Variants in RAD51B observed in about 807,000 individuals in gnomAD.
RAD51B encodes the protein DNA repair protein RAD51 homolog 2.
A neutral mutation model predicts 42.2 loss-of-function variants in RAD51B; 38 were observed. That is an observed-to-expected ratio of 0.90 (90% CI 0.70 to 1.18). The LOEUF is 1.18. Among genes scored for constraint, RAD51B ranks in the 50% most tolerant of loss-of-function variants. The pLI is 0.00. For missense variants in RAD51B, 373 were observed against 400.7 expected (o/e 0.93, Z 0.59); for synonymous variants, 154 against 145.2 (o/e 1.06, Z -0.43).
rs148112399 is a variant in RAD51B at position 68,083,453 on chromosome 14, A to G, written c.756+196249A>G. On this transcript the variant is annotated intron_variant, in intron 7 of 10. Transcript: ENST00000471583. ...AAAAGGAATATTGTCACAGCAAGCA[A>G]TGGAGGTTTTGATACTCGATCACTG... is the stretch of plus-strand genomic sequence containing the variant. 8.4e-4 allele frequency among the ~76,000 whole-genome samples: 128 copies of G among 152,290 alleles called. 1 individual carries two copies. The highest frequency in any genetic ancestry group is 2.6e-3 in the African/African-American group (107 of 41,586).
intron 7 of RAD51B, among the ~76,000 whole-genome samples, chr14:68,033,759 A>T (rs944677467): frequency 3.9e-5 from 6 of 152,158 alleles, no homozygotes; most frequent in Non-Finnish European, 8.8e-5. Flanking sequence ...TAAATTAATG[A>T]TCCTCTTTTT....
At chr14:68,458,501 A>G (rs1594868220) in intron 9 of RAD51B, among the ~76,000 whole-genome samples, 1 of 152,076 alleles carries the variant, frequency 6.6e-6, no homozygotes, top group South Asian at 2.1e-4. Context: ...TCTAGGCAAT[A>G]CTTTCTTATA....
Position 68,644,286 on chromosome 14 carries a change from C to G in RAD51B, c.1037-6495C>G, listed in dbSNP as rs1892522445. Reference sequence around the variant, plus strand: ...AGGGATCAAGGAGGGCTGTGTAGGGCCATGGTGTCTGCCCCCTTTCTGGTG... The same window carrying G: ...AGGGATCAAGGAGGGCTGTGTAGGGGCATGGTGTCTGCCCCCTTTCTGGTG... On this transcript the variant is annotated intron_variant, in intron 10 of 11. Transcript: ENST00000488612. 2.0e-5 allele frequency among the ~76,000 whole-genome samples: 3 copies of G among 152,176 alleles called. No homozygotes were observed. In the South Asian group the frequency reaches 6.2e-4, roughly 31 times the overall value.
chr14:68,374,899 C>T (rs757801921), intron 8 of RAD51B, among the ~76,000 whole-genome samples: 2 of 151,346 alleles, frequency 1.3e-5, no homozygotes, highest in Non-Finnish European at 2.9e-5. Context: ...AGTCCCATGT[C>T]GAAAGTGAGG....
At chr14:68,450,324 T>A (rs2085526775) in intron 9 of RAD51B, among the ~76,000 whole-genome samples, 2 of 151,462 alleles carry the variant, frequency 1.3e-5, no homozygotes, top group Non-Finnish European at 2.9e-5. Flanking sequence ...GTTCAAACAT[T>A]TCTTCTGCCT....
At position 68,655,130 on chromosome 14, in the gene RAD51B, AGTGT is replaced by A. The variant is rs3077341; in HGVS notation, c.*11+4293_*11+4296del. 2.7e-3 allele frequency among the ~76,000 whole-genome samples: 406 copies of A among 150,302 alleles called. 4 individuals carry two copies. The East Asian group carries it at 0.029, about 11-fold the overall frequency. On this transcript the variant is annotated intron_variant, in intron 11 of 11. Coordinates refer to the RAD51B transcript ENST00000488612. ...GGGTTGTGCCAGGAGGCAAATGGTG[AGTGT>A]GTGTGTGTGTGTGTGTGTATGTGTG...
chr14:68,510,498 T>C (rs1456879040), intron 10 of RAD51B, among the ~76,000 whole-genome samples: 3 of 152,154 alleles, frequency 2.0e-5, no homozygotes, highest in Non-Finnish European at 4.4e-5. Context: ...GGAGCCCGGC[T>C]CTCCCTGGTA....
chr14:68,614,764 T>C (rs923200116), downstream of RAD51B, among the ~76,000 whole-genome samples: 1 of 152,252 alleles, frequency 6.6e-6, no homozygotes, highest in African/African-American at 2.4e-5. Flanking sequence ...GTTCATCAGT[T>C]GATGCACATT....
chr14:68,380,581 G>A (rs930243948), intron 8 of RAD51B, among the ~76,000 whole-genome samples: 6 of 152,076 alleles, frequency 3.9e-5, no homozygotes, highest in Non-Finnish European at 7.4e-5. Context: ...ATGAAGGATC[G>A]CTGGCTTTTA....
intron 9 of RAD51B, among the ~76,000 whole-genome samples, chr14:68,462,331 G>C (rs927309352): frequency 7.2e-5 from 11 of 152,150 alleles, no homozygotes; most frequent in African/African-American, 2.7e-4. Context: ...AGCTCTATGA[G>C]ATCAAGGACC....
chr14:68,320,746 A>G (rs1171573334), intron 8 of RAD51B, among the ~76,000 whole-genome samples: 1 of 152,200 alleles, frequency 6.6e-6, no homozygotes, highest in Admixed American at 6.5e-5. Flanking sequence ...TCAAACTGGG[A>G]AAGTTTATGA....
At chr14:68,623,758 GTAATA>G (rs1892007748) in intron 10 of RAD51B, among the ~76,000 whole-genome samples, 8 of 146,966 alleles carry the variant, frequency 5.4e-5, no homozygotes, top group Admixed American at 4.7e-4. Flanking sequence ...TTCTTAGAAG[GTAATA>G]GAATATGATG....
chr14:68,457,955 G>GAA (rs1376755006), intron 9 of RAD51B, among the ~76,000 whole-genome samples: 6 of 105,904 alleles, frequency 5.7e-5, no homozygotes, highest in Middle Eastern at 4.9e-3. Flanking sequence ...AAAGTTCACT[G>GAA]AAAAAAAAAA....
chr14:67,872,027 C>T (rs2042552714), intron 5 of RAD51B, among the ~76,000 whole-genome samples: 1 of 146,934 alleles, frequency 6.8e-6, no homozygotes, highest in Non-Finnish European at 1.5e-5. Context: ...AAAACTGGCA[C>T]AAGACAGGGA....
intron 4 of RAD51B, among the ~76,000 whole-genome samples, chr14:67,859,843 G>T (rs577147229): frequency 6.6e-6 from 1 of 151,496 alleles, no homozygotes; most frequent in African/African-American, 2.4e-5. Context: ...TTTTTTGAGC[G>T]AAGTTTTGCT....
At chr14:68,403,330 C>G (rs2084170459) in intron 8 of RAD51B, among the ~76,000 whole-genome samples, 2 of 146,490 alleles carry the variant, frequency 1.4e-5, no homozygotes. Flanking sequence ...TTTTTTTTAA[C>G]ATGGAAAAGC....
At chr14:68,674,067 TAA>T (rs1381117047) in intron 11 of RAD51B, among the ~76,000 whole-genome samples, 4 of 151,968 alleles carry the variant, frequency 2.6e-5, no homozygotes, top group South Asian at 2.1e-4. Flanking sequence ...CATATACACA[TAA>T]ACACACATAC....
intron 5 of RAD51B, among the ~76,000 whole-genome samples, chr14:67,880,125 C>T (rs1353006469): frequency 6.6e-6 from 1 of 152,160 alleles, no homozygotes; most frequent in Non-Finnish European, 1.5e-5. Context: ...ATTAGTATCT[C>T]CACTGATCTG....
At chr14:68,424,360 C>A (rs1479256408) in intron 9 of RAD51B, among the ~76,000 whole-genome samples, 1 of 152,158 alleles carries the variant, frequency 6.6e-6, no homozygotes, top group Non-Finnish European at 1.5e-5. Context: ...AACTCTCTAG[C>A]AGTACTATGT....
Sources: allele counts gnomAD v4.1 joint callset (sites outside exome capture counted in the v4.1 genomes callset), GRCh38; gene constraint gnomAD v4.1.1; transcripts MANE v1.5; gene names NCBI Gene and HGNC (gene_info 2026-07-23, HGNC 2026-07-21).